Variants in TRIM46 observed in about 807,000 individuals in gnomAD.
TRIM46 encodes tripartite motif-containing protein 46.
TRIM46 carries 17 observed loss-of-function variants against 69.7 expected under a neutral mutation model. The observed-to-expected ratio is 0.24, with a 90% CI of 0.17 to 0.37. The LOEUF is 0.37. TRIM46 is among the 10% of genes least tolerant of loss of function. The pLI is 1.00. For synonymous variants in TRIM46, 391 were observed against 429.0 expected, an observed-to-expected ratio of 0.91 and a Z score of 1.09; for missense variants, 675 against 1,025.1, an observed-to-expected ratio of 0.66 and a Z score of 4.66.
At chr1:155,178,739 T>TGCCCCCC in intron 7 of TRIM46, 126 bp downstream of exon 7, 3 of 1,348,408 alleles carry the variant, frequency 2.2e-6, no homozygotes, top group Non-Finnish European at 3.1e-6. Flanking sequence ...CAGCCATTCC[T>TGCCCCCC]CCCACCCAGC....
chr1:155,174,467 A>C, intron 1 of TRIM46: 1 of 1,389,164 alleles, frequency 7.2e-7, no homozygotes, highest in Non-Finnish European at 9.4e-7. Flanking sequence ...CACCCCACGC[A>C]CCCCCACTCA....
Position 155,175,239 on chromosome 1 carries a change from C to G in TRIM46, c.64-147C>G. On this transcript the variant is annotated intron_variant, in intron 1 of 9. Coordinates refer to ENST00000334634, the MANE Select transcript of TRIM46 (RefSeq NM_025058.5). This position sits in a 1 kb window ranked among gnomAD's most constrained non-coding sequence, Gnocchi z 4.2. ...ACAGAGGTCTGGGAAGGTCTGTGAA[C>G]CAGCCCAAGGCAGGTGCTCTGGAAA... The G allele has an allele frequency of 6.6e-7, 1 of 1,514,328 alleles. No homozygotes were observed. Among genetic ancestry groups the G allele is most frequent in the East Asian group, 2.3e-5 (1 of 43,872 alleles). The allele number at this position is 1,514,328 out of a possible 1,614,324, so 93.8% of individuals were successfully genotyped here. A position where few individuals can be genotyped will look rare whatever the true frequency, so the allele number is the denominator to read the frequency against.
At chr1:155,182,321 G>T (rs921731429) in intron 9 of TRIM46, 172 bp downstream of exon 9, 20 of 727,088 alleles carry the variant, frequency 2.8e-5, no homozygotes, top group Non-Finnish European at 4.0e-5. Context: ...AGACGCATGG[G>T]CTCAGCAAAA....
chr1:155,182,249 G>A, intron 9 of TRIM46, 100 bp downstream of exon 9: 1 of 1,291,558 alleles, frequency 7.7e-7, no homozygotes, highest in Non-Finnish European at 1.1e-6. Context: ...GGGTGGGGCT[G>A]GGAGGGGATT....
chr1:155,174,745 T>TC, intron 1 of TRIM46: 1 of 1,454,114 alleles, frequency 6.9e-7, no homozygotes, highest in Non-Finnish European at 9.0e-7. Flanking sequence ...GGCTCTTGAT[T>TC]CCCCCGCTAG....
Position 155,178,566 on chromosome 1 carries a change from A to C in TRIM46, c.1238A>C (p.Asp413Ala). The C allele has an allele frequency of 6.2e-7, 1 of 1,614,062 alleles. No individual in the cohort carries two copies. The highest frequency in any genetic ancestry group is 8.5e-7 in the Non-Finnish European group (1 of 1,180,014). Residue 413 changes from aspartate (D) to alanine (A), a missense_variant, in exon 7 of 10, where the codon GAC (aspartate) becomes GCC (alanine). Transcript: ENST00000334634. Reference protein sequence around the residue: ...ASSSFRHCQLDVGREMKLLTE... With the variant: ...ASSSFRHCQLAVGREMKLLTE... The stretch of plus-strand genomic sequence containing the variant: ...TCCTCCTTCCGCCATTGCCAGCTCG[A>C]CGTGGGACGTGAGATGAAGCTGCTG...
chr1:155,179,847 G>A lies in TRIM46; in HGVS notation c.1501G>A (p.Val501Met), dbSNP rs779213486. The change falls in exon 8 of 10, where the codon GTG (valine) becomes ATG (methionine). Residue 501 changes from valine to methionine, a missense_variant. Coordinates refer to ENST00000334634, the MANE Select transcript of TRIM46 (RefSeq NM_025058.5). ...GCTTGAGAACCCCGACACGGGCTCT[G>A]TGTATGTGCTGCGTGTCCGCGGCTG... ...ALLENPDTGS[V>M]YVLRVRGCNK... The A allele has an allele frequency of 5.0e-6, 8 of 1,612,654 alleles. No homozygotes were observed. The South Asian group carries it at 8.8e-5, about 18-fold the overall frequency.
rs1173003287 is a variant in TRIM46 at position 155,176,966 on chromosome 1, C to T, written c.704C>T (p.Thr235Ile). Residue 235 changes from threonine (T) to isoleucine (I), a missense_variant, in exon 4 of 10, where the codon ACC becomes ATC. By Grantham distance (89) the Thr-to-Ile change is moderately conservative. Transcript: ENST00000334634. Reference protein sequence around the residue: ...LMCPDHKEEVTHYCKTCQRLV... With the variant: ...LMCPDHKEEVIHYCKTCQRLV... ...TGCCCAGACCACAAGGAAGAGGTGA[C>T]CCACTACTGCAAGACATGCCAACGC... 6.2e-7 allele frequency: 1 copy of T among 1,614,186 alleles called. No individual in the cohort carries two copies. Among genetic ancestry groups the T allele is most frequent in the South Asian group, 1.1e-5 (1 of 91,088 alleles).
In TRIM46 at chr1:155,177,021, C is replaced by T. The variant is rs754105960; in HGVS notation, c.759C>T (p.Arg253=). ...RLVCQLCRVR[R]THSGHKITPV... ...TATGTCAACTCTGCCGGGTGCGGCG[C>T]ACCCACAGCGGGCACAAGATCACAC... is the stretch of plus-strand genomic sequence containing the variant. The change falls in exon 4 of 10, where the codon CGC becomes CGT. Residue 253 remains arginine, a synonymous_variant. Coordinates refer to ENST00000334634, the MANE Select transcript of TRIM46 (RefSeq NM_025058.5). The T allele has an allele frequency of 1.9e-6, 3 of 1,614,116 alleles. No individual in the cohort carries two copies. The highest frequency in any genetic ancestry group is 2.7e-5 in the African/African-American group (2 of 74,940).
At chr1:155,174,388 G>C in intron 1 of TRIM46, 1 of 409,836 alleles carries the variant, frequency 2.4e-6, no homozygotes, top group Non-Finnish European at 3.3e-6. Context: ...GAAAACTGAG[G>C]ACAGGTGGGG....
At position 155,181,893 on chromosome 1, in the gene TRIM46, G is replaced by C; in HGVS notation, c.1630G>C (p.Glu544Gln). ...FLDSRWGASR[E>Q]RLAISKDQRA... ...CGATAGCCGCTGGGGCGCAAGCCGA[G>C]AGCGGCTGGCTATCAGCAAGGACCA... The change falls in exon 9 of 10, where the codon GAG (glutamate) becomes CAG (glutamine). Residue 544 changes from glutamate to glutamine, a missense_variant. Physicochemically the swap from Glu to Gln is conservative, Grantham distance 29. This residue lies in a region of TRIM46 where 361 missense variants were observed against 498.3 expected (regional missense o/e 0.72). Transcript: ENST00000334634. This position sits in a 1 kb window ranked among gnomAD's most constrained non-coding sequence, Gnocchi z 4.3. 1.2e-6 allele frequency: 2 copies of C among 1,613,340 alleles called. No individual in the cohort carries two copies. The highest frequency in any genetic ancestry group is 2.2e-5 in the East Asian group (1 of 44,874).
rs141419927 is a variant in TRIM46, at chr1:155,182,060, C to T, written c.1797C>T (p.Asp599=). 1.1e-4 allele frequency: 185 copies of T among 1,614,010 alleles called. No homozygotes were observed. In the African/African-American group the frequency reaches 2.2e-3, roughly 20 times the overall value. The stretch of plus-strand genomic sequence containing the variant: ...GCAGCTACTGGGCCTGCGCCGTAGA[C>T]CCAGCCTCCTACTTGGTCAAGGTGG... The part of the protein sequence containing the change: ...QGRSYWACAV[D]PASYLVKVGV... The change falls in exon 9 of 10, where the codon GAC becomes GAT. Residue 599 remains aspartate, a synonymous_variant. Coordinates refer to ENST00000334634, the MANE Select transcript of TRIM46 (RefSeq NM_025058.5).
In TRIM46 at chr1:155,184,210, C is replaced by G; in HGVS notation, c.*20C>G. ...GACTGAGCCTTCCAGGCCCCTCATG[C>G]AGACCTGGGGTCCTCCTGGGCCCTG... is the stretch of plus-strand genomic sequence containing the variant. On this transcript the variant is annotated 3_prime_UTR_variant, in exon 10 of 10. Transcript: ENST00000334634. This position sits in a 1 kb window ranked among gnomAD's most constrained non-coding sequence, Gnocchi z 5.6. The G allele has an allele frequency of 1.3e-6, 2 of 1,577,574 alleles. No individual in the cohort carries two copies. Among genetic ancestry groups the G allele is most frequent in the African/African-American group, 2.7e-5 (2 of 74,028 alleles).
rs1244990320 is a variant in TRIM46 at position 155,184,228 on chromosome 1, G to A, written c.*38G>A. ...CCTCATGCAGACCTGGGGTCCTCCTGGGCCCTGGCCCCCAAACCTCTTGGC... is the reference window on the plus strand; with the variant it reads ...CCTCATGCAGACCTGGGGTCCTCCTAGGCCCTGGCCCCCAAACCTCTTGGC... On this transcript the variant is annotated 3_prime_UTR_variant, in exon 10 of 10. Transcript: ENST00000334634. The surrounding 1 kb of genome is among the most constrained non-coding windows in gnomAD (Gnocchi z 5.6). The A allele has an allele frequency of 1.3e-6, 2 of 1,531,654 alleles. No homozygotes were observed. Among genetic ancestry groups the A allele is most frequent in the African/African-American group, 2.8e-5 (2 of 72,290 alleles). 94.9% of individuals were successfully genotyped at this position (1,531,654 alleles called of 1,614,324 possible).
In TRIM46 at chr1:155,175,144, G is replaced by C. The variant is rs1378947510; in HGVS notation, c.64-242G>C. On this transcript the variant is annotated intron_variant, in intron 1 of 9. Coordinates refer to ENST00000334634, the MANE Select transcript of TRIM46 (RefSeq NM_025058.5). The surrounding 1 kb of genome is among the most constrained non-coding windows in gnomAD (Gnocchi z 4.2). The stretch of plus-strand genomic sequence containing the variant: ...GAAATGGGGATTGGGCTTGAGGCTG[G>C]AGCAGGCACAAGCTCCAACCGTCCC... The C allele has an allele frequency of 7.2e-7, 1 of 1,392,242 alleles. No individual in the cohort carries two copies. Among genetic ancestry groups the C allele is most frequent in the Non-Finnish European group, 9.3e-7 (1 of 1,079,022 alleles). The allele number at this position is 1,392,242 out of a possible 1,614,324, so 86.2% of individuals were successfully genotyped here.
intron 8 of TRIM46, 51 bp downstream of exon 8, chr1:155,179,985 G>A: frequency 6.6e-7 from 1 of 1,521,186 alleles, no homozygotes; most frequent in Non-Finnish European, 8.8e-7. Flanking sequence ...GTATGCCAGG[G>A]CCTAGGCCCT....
In TRIM46 at chr1:155,178,005, A is replaced by C; in HGVS notation, c.913A>C (p.Ser305Arg). The stretch of plus-strand genomic sequence containing the variant: ...TTGGGTGTTGCTCCCTGGGCAGGTG[A>C]GTGGTCAGCAGGCCAAGGAGGAGGT... ...LEEAVRHTEV[S>R]GQQAKEEVSQ... Residue 305 changes from serine (S) to arginine (R), a missense_variant, in exon 6 of 10, where the codon AGT (serine) becomes CGT (arginine). Ser to Arg is a moderately radical substitution (Grantham distance 110). Around this residue, in one of 5 missense-constraint regions of TRIM46, gnomAD observed 361 missense variants for 498.3 expected, o/e 0.72. Transcript: ENST00000334634. The C allele has an allele frequency of 6.2e-7, 1 of 1,612,616 alleles. No individual in the cohort carries two copies. The highest frequency in any genetic ancestry group is 8.5e-7 in the Non-Finnish European group (1 of 1,179,628).
At position 155,175,362 on chromosome 1, in the gene TRIM46, C is replaced by T; in HGVS notation, c.64-24C>T. 1 of 1,612,740 alleles carries T rather than the reference C, an allele frequency of 6.2e-7. No homozygotes were observed. Among genetic ancestry groups the T allele is most frequent in the South Asian group, 1.1e-5 (1 of 90,984 alleles). On this transcript the variant is annotated intron_variant, in intron 1 of 9. Coordinates refer to ENST00000334634, the MANE Select transcript of TRIM46 (RefSeq NM_025058.5). This position sits in a 1 kb window ranked among gnomAD's most constrained non-coding sequence, Gnocchi z 4.2. Reference sequence around the variant, plus strand: ...GTATGCCTAAGTGTCCAAGCGCTGACCTAGCCTCCTGGTCCCTCCACAGAC... The same window carrying T: ...GTATGCCTAAGTGTCCAAGCGCTGATCTAGCCTCCTGGTCCCTCCACAGAC...
chr1:155,180,526 C>T (rs765410931), intron 8 of TRIM46: 14 of 360,510 alleles, frequency 3.9e-5, no homozygotes, highest in East Asian at 2.5e-4. Context: ...ACCTGGGAGG[C>T]GGAGGTTGCA....
Sources: gnomAD v4.1 joint callset for allele counts on GRCh38, gnomAD v4.1.1 for gene constraint, gnomAD v4.1.1 regional missense constraint, Gnocchi (gnomAD v3.1) non-coding constraint, MANE v1.5 for transcripts, NCBI Gene and HGNC (gene_info 2026-07-23, HGNC 2026-07-21) for gene names.